Variants in WASHC2A observed in about 807,000 individuals in gnomAD.
WASHC2A encodes WASH complex subunit 2A, also known as WASH complex subunit FAM21A.
Under a neutral mutation model 140.3 loss-of-function variants are expected in WASHC2A, and 82 were observed. That is an observed-to-expected ratio of 0.58 (90% CI 0.49 to 0.70). The LOEUF is 0.70. Ranked by LOEUF, WASHC2A falls within the 30% of genes least tolerant of loss-of-function variation. The pLI is 0.00. For synonymous variants in WASHC2A, 340 were observed against 560.8 expected, an observed-to-expected ratio of 0.61 and a Z score of 5.56; for missense variants, 985 against 1,521.8, an observed-to-expected ratio of 0.65 and a Z score of 5.87.
At chr10:50,098,880 A>G (rs1268870739) in intron 16 of WASHC2A, among the ~76,000 whole-genome samples, 4 of 149,630 alleles carry the variant, frequency 2.7e-5, no homozygotes, top group Non-Finnish European at 5.9e-5. Context: ...ACCTCCCAAG[A>G]CACATCAGGT....
chr10:50,129,410 C>T lies in WASHC2A; in HGVS notation c.3088-9C>T. On this transcript the variant is annotated splice_polypyrimidine_tract_variant and intron_variant, in intron 28 of 30. Transcript: ENST00000282633. ...CGTCAGATCAATGTGTGTTTTTTTG[C>T]CATTGCAGAGCCGTGTCAAGATGAG... The T allele has an allele frequency of 6.2e-7, 1 of 1,611,910 alleles. No homozygotes were observed. The highest frequency in any genetic ancestry group is 8.5e-7 in the Non-Finnish European group (1 of 1,179,838).
Position 50,129,745 on chromosome 10 carries a change from G to C in WASHC2A, c.3414G>C (p.Thr1138=), listed in dbSNP as rs1344313097. Reference sequence around the variant, plus strand: ...TTGATTCTGGGGACATCTTTTCCACGGGCACTGGATCTCAGTCTGTGGAGA... The same window carrying C: ...TTGATTCTGGGGACATCTTTTCCACCGGCACTGGATCTCAGTCTGTGGAGA... The part of the protein sequence containing the change: ...DLFDSGDIFS[T]GTGSQSVERT... The change falls in exon 29 of 31, where the codon ACG becomes ACC. Residue 1138 remains threonine, a synonymous_variant. Transcript: ENST00000282633. 7.4e-6 allele frequency: 12 copies of C among 1,611,912 alleles called. 1 individual carries two copies. In the South Asian group the frequency reaches 8.8e-5, roughly 12 times the overall value.
chr10:50,081,914 T>C (rs1370916814), intron 5 of WASHC2A, among the ~76,000 whole-genome samples: 1 of 152,154 alleles, frequency 6.6e-6, no homozygotes, highest in Non-Finnish European at 1.5e-5. Context: ...ATTACAGACA[T>C]GAGCCACCGC....
intron 29 of WASHC2A, among the ~76,000 whole-genome samples, chr10:50,130,558 A>C (rs1843864274): frequency 6.6e-6 from 1 of 152,154 alleles, no homozygotes; most frequent in African/African-American, 2.4e-5. Context: ...CTGGGAAGAT[A>C]ATCAAATACA....
Position 50,069,681 on chromosome 10 carries a change from T to G in WASHC2A, c.261T>G (p.Leu87=), listed in dbSNP as rs1303508682. 6.2e-7 allele frequency: 1 copy of G among 1,613,958 alleles called. No individual in the cohort carries two copies. Among genetic ancestry groups the G allele is most frequent in the African/African-American group, 1.3e-5 (1 of 75,050 alleles). Residue 87 remains leucine, a synonymous_variant, in exon 3 of 31, where the codon CTT becomes CTG. Transcript: ENST00000282633. ...CRLHNVFNDF[L]MLSNTQFIEN... Reference sequence around the variant, plus strand: ...TGCATAATGTCTTCAATGACTTCCTTATGCTCTCTAATACCCAGTTCATTG... The same window carrying G: ...TGCATAATGTCTTCAATGACTTCCTGATGCTCTCTAATACCCAGTTCATTG...
At chr10:50,099,831 C>T in intron 16 of WASHC2A, 147 bp from the exon 17 acceptor site, 1 of 649,956 alleles carries the variant, frequency 1.5e-6, no homozygotes, top group South Asian at 2.0e-5. Context: ...TTAACAGCCC[C>T]CTCAGCTTGC....
At chr10:50,132,537 C>T (rs1462320726) in intron 30 of WASHC2A, among the ~76,000 whole-genome samples, 4 of 152,332 alleles carry the variant, frequency 2.6e-5, no homozygotes, top group South Asian at 4.1e-4. Context: ...GATCAAGTTA[C>T]GCTTCCCTTT....
chr10:50,117,672 A>G (rs576174764), intron 21 of WASHC2A, among the ~76,000 whole-genome samples: 3 of 137,464 alleles, frequency 2.2e-5, no homozygotes, highest in Non-Finnish European at 5.0e-5. Flanking sequence ...GTTGACAGAC[A>G]CAAGTAGACA....
intron 11 of WASHC2A, among the ~76,000 whole-genome samples, 196 bp downstream of exon 11, chr10:50,092,429 G>C (rs539838233): frequency 6.6e-6 from 1 of 152,130 alleles, no homozygotes; most frequent in Admixed American, 6.6e-5. Context: ...AGGCCGAGGC[G>C]GGCGGATCAT....
chr10:50,131,869 C>G (rs1215731127), intron 30 of WASHC2A, among the ~76,000 whole-genome samples: 1 of 152,208 alleles, frequency 6.6e-6, no homozygotes, highest in African/African-American at 2.4e-5. Flanking sequence ...AAAAGTAATA[C>G]ATGCTTATTG....
At chr10:50,088,198 T>G (rs1839559361) in intron 8 of WASHC2A, among the ~76,000 whole-genome samples, 2 of 149,604 alleles carry the variant, frequency 1.3e-5, no homozygotes, top group Admixed American at 1.4e-4. Flanking sequence ...ACTGTCATAG[T>G]CTCTAAATGT....
chr10:50,102,656 C>G (rs1554887232), intron 17 of WASHC2A, among the ~76,000 whole-genome samples: 1 of 130,342 alleles, frequency 7.7e-6, no homozygotes, highest in African/African-American at 3.2e-5. Flanking sequence ...GACAGCGACC[C>G]CATAATTAAA....
intron 5 of WASHC2A, among the ~76,000 whole-genome samples, chr10:50,082,597 C>T (rs1839011304): frequency 2.0e-5 from 3 of 150,316 alleles, no homozygotes; most frequent in African/African-American, 4.9e-5. Context: ...CCTGCCTCAG[C>T]CTTCCAAGTA....
intron 3 of WASHC2A, among the ~76,000 whole-genome samples, chr10:50,072,231 C>T (rs1403369373): frequency 5.4e-5 from 8 of 149,234 alleles, no homozygotes; most frequent in East Asian, 2.0e-4. Context: ...ATTACAGGCG[C>T]GAGCCACTGC....
At position 50,097,657 on chromosome 10, in the gene WASHC2A, C is replaced by T. The variant is rs1171045590; in HGVS notation, c.1421-18C>T. 2.0e-5 allele frequency: 31 copies of T among 1,569,898 alleles called. No homozygotes were observed. The highest frequency in any genetic ancestry group is 2.5e-5 in the Non-Finnish European group (29 of 1,154,432). On this transcript the variant is annotated intron_variant, in intron 15 of 30. Transcript: ENST00000282633. ...TGTTTGACGTTAGTGTCATTTTATGCCTTGGTATTTTTTACAGGCAAAGTC... is the reference window on the plus strand; with the variant it reads ...TGTTTGACGTTAGTGTCATTTTATGTCTTGGTATTTTTTACAGGCAAAGTC...
intron 17 of WASHC2A, among the ~76,000 whole-genome samples, chr10:50,102,610 CACTT>C (rs1841315133): frequency 6.7e-6 from 1 of 149,902 alleles, no homozygotes; most frequent in Non-Finnish European, 1.5e-5. Flanking sequence ...GAGGAGATCT[CACTT>C]AGTGAACTCA....
In WASHC2A at chr10:50,124,528, A is replaced by G. The variant is rs188519030; in HGVS notation, c.2479-585A>G. On this transcript the variant is annotated intron_variant, in intron 23 of 30. Transcript: ENST00000282633. ...GGTAACTTTTAAATGTTAGATATCT[A>G]GTAAACAAAAAGGGACTCACTCGGA... is the stretch of plus-strand genomic sequence containing the variant. Among the ~76,000 whole-genome samples, 769 of 152,320 alleles carry G rather than the reference A, an allele frequency of 5.0e-3. 7 individuals are homozygous for G. Among genetic ancestry groups the G allele is most frequent in the Non-Finnish European group, 4.0e-3 (271 of 68,040 alleles).
chr10:50,080,351 CTTCT>C (rs1232441886), intron 4 of WASHC2A, among the ~76,000 whole-genome samples: 1 of 150,806 alleles, frequency 6.6e-6, no homozygotes, highest in Non-Finnish European at 1.5e-5. Flanking sequence ...TGTGACCTTC[CTTCT>C]AAGTCTTAAC....
rs782028167 is a variant in WASHC2A, at chr10:50,067,958, C to T, written c.-48C>T. 1.3e-6 allele frequency: 2 copies of T among 1,592,860 alleles called. No individual in the cohort carries two copies. Among genetic ancestry groups the T allele is most frequent in the South Asian group, 1.1e-5 (1 of 88,868 alleles). On this transcript the variant is annotated 5_prime_UTR_variant, in exon 1 of 31. Transcript: ENST00000282633. ...GCTAGGCTTCCGGGGCTCTGCAGTC[C>T]TCGGCGTGTGCTGGCAGCTTCGGAG...
Sources: gnomAD v4.1 joint callset for allele counts (sites outside exome capture counted in the v4.1 genomes callset) on GRCh38, gnomAD v4.1.1 for gene constraint, MANE v1.5 for transcripts, NCBI Gene and HGNC (gene_info 2026-07-23, HGNC 2026-07-21) for gene names.